Variants in NAA11 observed in about 807,000 individuals in gnomAD.
NAA11 encodes N-alpha-acetyltransferase 11.
Under a neutral mutation model 16.1 loss-of-function variants are expected in NAA11, and 15 were observed. The ratio of observed to expected loss-of-function variants is 0.93; its 90% CI spans 0.62 to 1.44. The LOEUF is 1.44. Ranked by LOEUF, NAA11 falls within the 40% of genes most tolerant of loss-of-function variation. The probability of loss-of-function intolerance (pLI) is 0.00; values close to 1 mark genes in which losing one functional copy is unlikely to be tolerated. For missense variants in NAA11, 298 were observed against 291.3 expected (o/e 1.02, Z -0.17); for synonymous variants, 122 against 112.4 (o/e 1.09, Z -0.54).
chr4:79,155,507 C>A, the NAA11 span, among the ~76,000 whole-genome samples: 1 of 152,084 alleles, frequency 6.6e-6, no homozygotes, highest in African/African-American at 2.4e-5. Context: ...CTTGATTATC[C>A]ATGGTCATGG....
chr4:79,156,442 A>G, the NAA11 span, among the ~76,000 whole-genome samples: 3 of 152,156 alleles, frequency 2.0e-5, no homozygotes, highest in Non-Finnish European at 4.4e-5. Flanking sequence ...CAAGTCTAAA[A>G]TCTGCAGGAT....
At chr4:79,310,228 A>G (rs1723729471) in intron 1 of NAA11, among the ~76,000 whole-genome samples, 1 of 152,206 alleles carries the variant, frequency 6.6e-6, no homozygotes. Flanking sequence ...GCCAAAAAAT[A>G]ATATTCAAAC....
At chr4:79,290,641 A>C (rs1438967758) in intron 2 of NAA11, among the ~76,000 whole-genome samples, 3 of 152,172 alleles carry the variant, frequency 2.0e-5, no homozygotes, top group Non-Finnish European at 4.4e-5. Flanking sequence ...GGACTCCAGG[A>C]ACAGTTGTCA....
intron 1 of NAA11, among the ~76,000 whole-genome samples, chr4:79,298,196 G>C (rs1473594688): frequency 6.6e-6 from 1 of 152,186 alleles, no homozygotes; most frequent in Non-Finnish European, 1.5e-5. Context: ...CCCCTGAGCT[G>C]TTCTATTGCC....
At chr4:79,282,547 C>G (rs1722817994) in intron 2 of NAA11, among the ~76,000 whole-genome samples, 2 of 151,700 alleles carry the variant, frequency 1.3e-5, no homozygotes, top group Admixed American at 1.3e-4. Flanking sequence ...TAAATGTTTC[C>G]TAGATCAACT....
the NAA11 span, chr4:79,196,022 A>G: frequency 2.6e-5 from 4 of 152,138 alleles, no homozygotes; most frequent in African/African-American, 7.2e-5. Context: ...TACACCTGCC[A>G]TGCCTGTTCC....
chr4:79,231,490 T>TG (rs1721464431), intron 2 of NAA11, among the ~76,000 whole-genome samples: 2 of 151,968 alleles, frequency 1.3e-5, no homozygotes, highest in Admixed American at 1.3e-4. Context: ...ACAGCATAGC[T>TG]GGTAGCAGGG....
In NAA11 at chr4:79,325,204, G is replaced by T. The variant is rs777823165; in HGVS notation, c.674C>A (p.Ser225Ter). The T allele has an allele frequency of 3.1e-6, 5 of 1,609,772 alleles. No individual in the cohort carries two copies. The African/African-American group carries it at 5.3e-5, about 17-fold the overall frequency. The change falls in exon 1 of 2, where the codon TCG becomes TAG. Residue 225 changes from serine to a stop codon, truncating the protein, a stop_gained. Coordinates refer to ENST00000286794, the MANE Select transcript of NAA11 (RefSeq NM_032693.3). LOFTEE classifies it high-confidence loss of function. Reference sequence around the variant, plus strand: ...AAGCATGCTCTAGGAGGTGGAATCCGAGCTTTCTGAGCTGTCCTGGACGTT... The same window carrying T: ...AAGCATGCTCTAGGAGGTGGAATCCTAGCTTTCTGAGCTGTCCTGGACGTT... ...STNVQDSSES[S>*]DSTS
At chr4:79,288,851 G>A (rs1036033479) in intron 2 of NAA11, among the ~76,000 whole-genome samples, 1 of 151,942 alleles carries the variant, frequency 6.6e-6, no homozygotes, top group African/African-American at 2.4e-5. Context: ...TAATATTTTG[G>A]TGTATATCCT....
chr4:79,319,196 G>A (rs1447184932), intron 1 of NAA11, among the ~76,000 whole-genome samples: 1 of 152,128 alleles, frequency 6.6e-6, no homozygotes, highest in East Asian at 1.9e-4. Context: ...CTAAAGTGCT[G>A]GGATTACAGG....
intron 2 of NAA11, among the ~76,000 whole-genome samples, chr4:79,277,719 A>G (rs1578175462): frequency 6.6e-6 from 1 of 151,650 alleles, no homozygotes; most frequent in African/African-American, 2.4e-5. Context: ...CAAAGCACTC[A>G]CCCCGTCATT....
intron 2 of NAA11, among the ~76,000 whole-genome samples, chr4:79,276,574 G>A (rs1722649386): frequency 6.6e-6 from 1 of 152,108 alleles, no homozygotes; most frequent in African/African-American, 2.4e-5. Flanking sequence ...ACTTTCAAGA[G>A]CTTACCAATA....
chr4:79,288,606 T>C (rs965167178), intron 2 of NAA11, among the ~76,000 whole-genome samples: 2 of 152,188 alleles, frequency 1.3e-5, no homozygotes, highest in African/African-American at 4.8e-5. Flanking sequence ...AAAATATGAA[T>C]AAATACGTGT....
the NAA11 span, among the ~76,000 whole-genome samples, chr4:79,194,689 A>T: frequency 2.0e-5 from 3 of 152,100 alleles, no homozygotes; most frequent in African/African-American, 7.2e-5. Context: ...GCAGGTAAGG[A>T]GTTTGTCTTT....
chr4:79,225,447 C>A (rs1721288772), downstream of NAA11, among the ~76,000 whole-genome samples: 1 of 151,840 alleles, frequency 6.6e-6, no homozygotes, highest in Non-Finnish European at 1.5e-5. Flanking sequence ...AGTGTGGATG[C>A]AGGACATTCA....
chr4:79,293,097 T>A (rs1723124608), intron 2 of NAA11, among the ~76,000 whole-genome samples: 1 of 152,256 alleles, frequency 6.6e-6, no homozygotes, highest in African/African-American at 2.4e-5. Flanking sequence ...TAAACTGTTG[T>A]ATAAATAAGA....
At chr4:79,202,538 A>ACACG in the NAA11 span, among the ~76,000 whole-genome samples, 2 of 142,354 alleles carry the variant, frequency 1.4e-5, no homozygotes, top group Non-Finnish European at 3.1e-5. Context: ...ACACACACAC[A>ACACG]CACGCACACA....
chr4:79,253,407 C>G (rs1314884820), intron 2 of NAA11, among the ~76,000 whole-genome samples: 2 of 152,032 alleles, frequency 1.3e-5, no homozygotes, highest in East Asian at 3.9e-4. Flanking sequence ...ATTAGATGAC[C>G]AAAGGAGTAA....
chr4:79,312,640 C>G (rs557282586), downstream of NAA11, among the ~76,000 whole-genome samples: 11 of 111,294 alleles, frequency 9.9e-5, no homozygotes, highest in African/African-American at 3.7e-4. Flanking sequence ...GAGAGAGACT[C>G]CATCTCAAAA....
Sources: gnomAD v4.1 joint callset for allele counts (sites outside exome capture counted in the v4.1 genomes callset) on GRCh38, gnomAD v4.1.1 for gene constraint, MANE v1.5 for transcripts, NCBI Gene and HGNC (gene_info 2026-07-23, HGNC 2026-07-21) for gene names.